The following LRMDA variants were observed in gnomAD, a reference collection of about 807,000 sequenced individuals.
The protein encoded by LRMDA is leucine-rich melanocyte differentiation-associated protein.
In LRMDA, 18 loss-of-function variants were observed where a neutral mutation model predicts 29.8. The observed-to-expected ratio is 0.60, with a 90% CI of 0.42 to 0.90. The LOEUF (loss-of-function observed/expected upper bound fraction) is 0.90, where lower values mean the gene tolerates loss of function less well. LRMDA is among the 40% of genes least tolerant of loss of function. The pLI, the probability that LRMDA is intolerant of heterozygous loss-of-function variation, is 0.00. For synonymous variants in LRMDA, 125 were observed against 109.4 expected (o/e 1.14, Z -0.89); for missense variants, 273 against 273.9 (o/e 1.00, Z 0.02).
At chr10:76,548,463 A>T (rs1263038109) in intron 6 of LRMDA, among the ~76,000 whole-genome samples, 1 of 152,116 alleles carries the variant, frequency 6.6e-6, no homozygotes, top group Non-Finnish European at 1.5e-5. Flanking sequence ...AAAAAAAAAA[A>T]AAAATGTAAC....
At chr10:75,588,482 T>C (rs1250337036) in intron 2 of LRMDA, among the ~76,000 whole-genome samples, 1 of 152,228 alleles carries the variant, frequency 6.6e-6, no homozygotes, top group East Asian at 1.9e-4. Context: ...ACCCCTGCTG[T>C]ATTCTTGCCT....
At chr10:75,921,368 AAGTGC>A (rs1223034674) in intron 2 of LRMDA, among the ~76,000 whole-genome samples, 2 of 152,248 alleles carry the variant, frequency 1.3e-5, no homozygotes, top group East Asian at 3.8e-4. Flanking sequence ...ACAGATCAGT[AAGTGC>A]AGAATGTCAG....
intron 2 of LRMDA, among the ~76,000 whole-genome samples, chr10:75,955,713 C>T (rs902617093): frequency 6.6e-6 from 1 of 152,152 alleles, no homozygotes; most frequent in African/African-American, 2.4e-5. Flanking sequence ...CAGTGTCTCC[C>T]TTGTTGCATT....
intron 2 of LRMDA, among the ~76,000 whole-genome samples, chr10:75,683,644 C>G (rs2132154590): frequency 6.6e-6 from 1 of 152,288 alleles, no homozygotes; most frequent in African/African-American, 2.4e-5. Context: ...GTGTTCATTT[C>G]CTTTCCTTTA....
intron 6 of LRMDA, among the ~76,000 whole-genome samples, chr10:76,326,293 C>T (rs1417659856): frequency 6.6e-6 from 1 of 152,178 alleles, no homozygotes; most frequent in Non-Finnish European, 1.5e-5. Flanking sequence ...TGGCTTGAAC[C>T]AACTTGGCTT....
At chr10:76,199,028 T>C (rs540062312) in intron 5 of LRMDA, among the ~76,000 whole-genome samples, 32 of 152,182 alleles carry the variant, frequency 2.1e-4, no homozygotes, top group Non-Finnish European at 3.5e-4. Context: ...ACAGCCAAAA[T>C]AAAATAAATC....
At chr10:76,092,230 G>A (rs954512662) in intron 5 of LRMDA, among the ~76,000 whole-genome samples, 1 of 152,148 alleles carries the variant, frequency 6.6e-6, no homozygotes, top group Non-Finnish European at 1.5e-5. Flanking sequence ...GAGGACTTTC[G>A]CACCCTGCAG....
intron 2 of LRMDA, among the ~76,000 whole-genome samples, chr10:75,895,369 G>A (rs1375394938): frequency 1.3e-5 from 2 of 152,162 alleles, no homozygotes; most frequent in African/African-American, 4.8e-5. Context: ...TATGCCATGT[G>A]CTGTCCTTTA....
At chr10:75,701,284 G>A (rs1370836188) in intron 2 of LRMDA, among the ~76,000 whole-genome samples, 5 of 152,210 alleles carry the variant, frequency 3.3e-5, no homozygotes, top group African/African-American at 4.8e-5. Context: ...TCCCTACAGG[G>A]AGTATTGGAA....
intron 2 of LRMDA, among the ~76,000 whole-genome samples, chr10:75,957,351 A>T (rs9415138): frequency 6.6e-6 from 1 of 152,096 alleles, no homozygotes. Flanking sequence ...TCTCCTTATC[A>T]AATGGCCCAG....
chr10:76,025,368 A>G (rs1161413260), intron 2 of LRMDA, among the ~76,000 whole-genome samples: 1 of 150,010 alleles, frequency 6.7e-6, no homozygotes, highest in African/African-American at 2.5e-5. Context: ...CATAGGAGGG[A>G]TGGGCCAAAA....
intron 6 of LRMDA, among the ~76,000 whole-genome samples, chr10:76,548,904 G>T (rs1252262636): frequency 6.6e-6 from 1 of 152,186 alleles, no homozygotes; most frequent in Non-Finnish European, 1.5e-5. Flanking sequence ...ACTCAGTCTG[G>T]ATAGAGCCAC....
intron 1 of LRMDA, among the ~76,000 whole-genome samples, chr10:75,435,399 G>A (rs1313478522): frequency 6.6e-6 from 1 of 152,210 alleles, no homozygotes; most frequent in Admixed American, 6.5e-5. Context: ...CTAGTTTCAA[G>A]CATTGCTTGC....
At chr10:75,736,434 G>GCGGGAGA (rs1842763132) in intron 2 of LRMDA, among the ~76,000 whole-genome samples, 1 of 152,194 alleles carries the variant, frequency 6.6e-6, no homozygotes, top group Non-Finnish European at 1.5e-5. Flanking sequence ...AACACACACA[G>GCGGGAGA]CGGGAGACGG....
chr10:75,581,821 A>C (rs929271940), intron 2 of LRMDA, among the ~76,000 whole-genome samples: 3 of 152,124 alleles, frequency 2.0e-5, no homozygotes, highest in African/African-American at 7.2e-5. Context: ...CATTAGGAGA[A>C]ATACCTAATG....
At chr10:75,774,361 G>A (rs1405247743) in intron 2 of LRMDA, among the ~76,000 whole-genome samples, 1 of 152,022 alleles carries the variant, frequency 6.6e-6, no homozygotes, top group Non-Finnish European at 1.5e-5. Context: ...TTCTTTGTGT[G>A]TATAATGTTT....
At chr10:76,228,745 A>G (rs1369630578) in intron 5 of LRMDA, among the ~76,000 whole-genome samples, 3 of 152,144 alleles carry the variant, frequency 2.0e-5, no homozygotes, top group Non-Finnish European at 4.4e-5. Flanking sequence ...GTAATTGGGG[A>G]CATTGCACAT....
At chr10:76,555,520 A>G (rs1254722941) in intron 6 of LRMDA, among the ~76,000 whole-genome samples, 1 of 152,170 alleles carries the variant, frequency 6.6e-6, no homozygotes, top group Non-Finnish European at 1.5e-5. Flanking sequence ...CCCTCTCTCC[A>G]TTGCCAACTC....
At chr10:76,474,884 C>A (rs902818038) in intron 6 of LRMDA, among the ~76,000 whole-genome samples, 5 of 151,618 alleles carry the variant, frequency 3.3e-5, no homozygotes, top group African/African-American at 1.2e-4. Context: ...AACATACATA[C>A]ACAAATGCAA....
Sources: gnomAD v4.1 joint callset for allele counts (sites outside exome capture counted in the v4.1 genomes callset) on GRCh38, gnomAD v4.1.1 for gene constraint, MANE v1.5 for transcripts, NCBI Gene and HGNC (gene_info 2026-07-23, HGNC 2026-07-21) for gene names.